Variants in FRAS1 observed in about 807,000 individuals in gnomAD.
FRAS1 encodes the protein extracellular matrix organizing protein FRAS1.
FRAS1 carries 290 observed loss-of-function variants against 435.2 expected under a neutral mutation model. The ratio of observed to expected loss-of-function variants is 0.67; its 90% CI spans 0.61 to 0.73. The LOEUF is 0.73. FRAS1 is among the 30% of genes least tolerant of loss of function. The pLI, the probability that FRAS1 is intolerant of heterozygous loss-of-function variation, is 0.00. For missense variants in FRAS1, 4,860 were observed against 5,001.5 expected (o/e 0.97, Z 0.85); for synonymous variants, 1,800 against 1,851.0 (o/e 0.97, Z 0.71).
In FRAS1 at chr4:78,475,576, G is replaced by A. The variant is rs771783784; in HGVS notation, c.7821G>A (p.Gly2607=). The A allele has an allele frequency of 8.7e-6, 14 of 1,612,734 alleles. No individual in the cohort carries two copies. The South Asian group carries it at 1.1e-4, about 13-fold the overall frequency. Residue 2607 remains glycine (G), a synonymous_variant, in exon 54 of 74, where the codon GGG becomes GGA. Coordinates refer to ENST00000512123, the MANE Select transcript of FRAS1 (RefSeq NM_025074.7). ...GCTCCAGGGTCAGCTCCCAACCTGG[G>A]CAACAGGACTATGTAGAGTATGCTG... ...SSSSRVSSQP[G]QQDYVEYAGQ...
intron 3 of FRAS1, among the ~76,000 whole-genome samples, chr4:78,242,414 T>C (rs1725040345): frequency 6.6e-6 from 1 of 152,218 alleles, no homozygotes; most frequent in African/African-American, 2.4e-5. Context: ...CACAAGTTCA[T>C]GAATCACCAC....
chr4:78,252,247 C>G lies in FRAS1; in HGVS notation c.310-145C>G, dbSNP rs548561229. ...CTTGAAGCCTTGCAAATTCCACTCT[C>G]AACCTTGCAAGCTCATAGCTTTATT... On this transcript the variant is annotated intron_variant, in intron 4 of 73. Transcript: ENST00000512123. The G allele has an allele frequency of 7.0e-6, 5 of 715,204 alleles. No homozygotes were observed. In the African/African-American group the frequency reaches 9.1e-5, roughly 13 times the overall value. 44.3% of individuals were successfully genotyped at this position (715,204 alleles called of 1,614,324 possible). A position where few individuals can be genotyped will look rare whatever the true frequency, so the allele number is the denominator to read the frequency against.
intron 2 of FRAS1, among the ~76,000 whole-genome samples, chr4:78,091,450 A>G (rs1444811880): frequency 6.6e-6 from 1 of 152,044 alleles, no homozygotes; most frequent in Non-Finnish European, 1.5e-5. Flanking sequence ...TTATCTACAG[A>G]GGTGGAACTT....
At chr4:78,130,231 T>C (rs1719618265) in intron 2 of FRAS1, among the ~76,000 whole-genome samples, 1 of 152,196 alleles carries the variant, frequency 6.6e-6, no homozygotes, top group Non-Finnish European at 1.5e-5. Flanking sequence ...TTAACGGTGA[T>C]TTTTTAAAAA....
intron 14 of FRAS1, among the ~76,000 whole-genome samples, chr4:78,304,641 G>A (rs1424716853): frequency 1.3e-5 from 2 of 151,926 alleles, no homozygotes; most frequent in Non-Finnish European, 2.9e-5. Context: ...AGATTTTCTA[G>A]TTTATTTGCG....
intron 29 of FRAS1, among the ~76,000 whole-genome samples, chr4:78,388,613 C>T (rs1012720485): frequency 2.0e-5 from 3 of 149,726 alleles, no homozygotes; most frequent in Non-Finnish European, 3.0e-5. Flanking sequence ...GCGTGAGCAA[C>T]GTGGAGAAAT....
At chr4:78,229,884 T>C (rs561957365) in intron 2 of FRAS1, among the ~76,000 whole-genome samples, 2 of 152,214 alleles carry the variant, frequency 1.3e-5, no homozygotes, top group South Asian at 4.1e-4. Context: ...CCATCATGAG[T>C]ATGTGGAGGA....
chr4:78,252,632 C>A, intron 5 of FRAS1, 81 bp downstream of exon 5: 1 of 1,266,878 alleles, frequency 7.9e-7, no homozygotes, highest in Non-Finnish European at 1.1e-6. Context: ...CTCAATATTT[C>A]AACATAGGTT....
rs1724320316 is a variant in FRAS1, at chr4:78,227,412, G to GA, written c.109-10097dup. 2.6e-5 allele frequency among the ~76,000 whole-genome samples: 4 copies of GA among 152,322 alleles called. No individual in the cohort carries two copies. The South Asian group carries it at 8.3e-4, about 32-fold the overall frequency. On this transcript the variant is annotated intron_variant, in intron 2 of 73. Transcript: ENST00000512123. ...CAAAGCAAATTTTTAAATGCCTCTT[G>GA]AGATGGTATGGCCTCATGTAGGAGA...
intron 2 of FRAS1, among the ~76,000 whole-genome samples, chr4:78,114,277 T>A (rs1413940936): frequency 1.3e-5 from 2 of 152,202 alleles, no homozygotes; most frequent in Admixed American, 6.5e-5. Flanking sequence ...CCTCCAGCTT[T>A]GTTCTTTTGG....
intron 4 of FRAS1, among the ~76,000 whole-genome samples, chr4:78,246,488 A>AG (rs1201547426): frequency 6.6e-6 from 1 of 152,186 alleles, no homozygotes; most frequent in Non-Finnish European, 1.5e-5. Flanking sequence ...ATCTACACTG[A>AG]GAATGTCTTC....
intron 20 of FRAS1, among the ~76,000 whole-genome samples, 174 bp from the exon 21 acceptor site, chr4:78,363,339 A>G (rs79765862): frequency 2.6e-5 from 4 of 152,148 alleles, no homozygotes; most frequent in Admixed American, 6.5e-5. Context: ...CCTCAAACAC[A>G]CAATTTGTAC....
chr4:78,358,707 A>C (rs796392702), intron 20 of FRAS1, among the ~76,000 whole-genome samples: 7 of 152,330 alleles, frequency 4.6e-5, no homozygotes, highest in African/African-American at 1.7e-4. Context: ...TCTGAGATGC[A>C]GACAAAGATT....
intron 2 of FRAS1, among the ~76,000 whole-genome samples, chr4:78,114,493 T>C (rs965245642): frequency 1.3e-5 from 2 of 150,748 alleles, no homozygotes; most frequent in Non-Finnish European, 3.0e-5. Flanking sequence ...GTTTGTATCC[T>C]CTTTTATTTC....
chr4:78,424,118 G>A (rs190643310), intron 34 of FRAS1, among the ~76,000 whole-genome samples: 1 of 152,222 alleles, frequency 6.6e-6, no homozygotes, highest in Non-Finnish European at 1.5e-5. Context: ...TGATAAAATG[G>A]GTTCTGAATG....
At chr4:78,520,050 C>T (rs1295300656) in intron 67 of FRAS1, among the ~76,000 whole-genome samples, 1 of 152,066 alleles carries the variant, frequency 6.6e-6, no homozygotes, top group East Asian at 1.9e-4. Context: ...CATTACTGTC[C>T]TCTTTGGGAG....
At chr4:78,082,140 C>T (rs1740924888) in intron 2 of FRAS1, among the ~76,000 whole-genome samples, 1 of 152,084 alleles carries the variant, frequency 6.6e-6, no homozygotes, top group Non-Finnish European at 1.5e-5. Context: ...TATGACGTCC[C>T]TCTCTAATGT....
chr4:78,379,594 C>G, intron 26 of FRAS1, 132 bp from the exon 27 acceptor site: 1 of 862,046 alleles, frequency 1.2e-6, no homozygotes, highest in Non-Finnish European at 1.8e-6. Context: ...GAAATCAACT[C>G]TGTTTCTTAT....
intron 70 of FRAS1, among the ~76,000 whole-genome samples, chr4:78,527,373 T>C (rs1260704304): frequency 6.6e-6 from 1 of 152,146 alleles, no homozygotes; most frequent in African/African-American, 2.4e-5. Context: ...CTCATGTGTT[T>C]TGCTCAGGTC....
Sources: allele counts gnomAD v4.1 joint callset (sites outside exome capture counted in the v4.1 genomes callset), GRCh38; gene constraint gnomAD v4.1.1; transcripts MANE v1.5; gene names NCBI Gene and HGNC (gene_info 2026-07-23, HGNC 2026-07-21).